SLC35F5: variants seen among roughly 807,000 people sequenced by gnomAD.
SLC35F5 encodes HCV NS5A-transactivated protein 3.
SLC35F5 carries 54 observed loss-of-function variants against 68.6 expected under a neutral mutation model. The observed-to-expected ratio is 0.79, with a 90% CI of 0.63 to 0.99. SLC35F5 has a LOEUF of 0.99. SLC35F5 is among the 50% of genes least tolerant of loss of function. The probability of loss-of-function intolerance (pLI) is 0.00; values close to 1 mark genes in which losing one functional copy is unlikely to be tolerated. For missense variants in SLC35F5, 567 were observed against 626.9 expected (o/e 0.90, Z 1.02); for synonymous variants, 211 against 205.2 (o/e 1.03, Z -0.24).
intron 3 of SLC35F5, among the ~76,000 whole-genome samples, chr2:113,751,798 G>A (rs1162841686): frequency 7.7e-5 from 11 of 141,992 alleles, no homozygotes; most frequent in African/African-American, 1.3e-4. Flanking sequence ...GGACAACAGC[G>A]TGAGACTCTG....
At chr2:113,720,511 T>C (rs983828897) in intron 13 of SLC35F5, among the ~76,000 whole-genome samples, 1 of 152,120 alleles carries the variant, frequency 6.6e-6, no homozygotes, top group African/African-American at 2.4e-5. Context: ...ATGCATGCCC[T>C]ATTTCTATGG....
intron 1 of SLC35F5, 187 bp from the exon 2 acceptor site, chr2:113,755,731 A>T: frequency 9.4e-7 from 1 of 1,061,048 alleles, no homozygotes; most frequent in Non-Finnish European, 1.4e-6. Context: ...GATTATACTT[A>T]GAGAGATACG....
intron 9 of SLC35F5, among the ~76,000 whole-genome samples, chr2:113,732,949 G>A (rs760384557): frequency 1.3e-5 from 2 of 152,154 alleles, no homozygotes; most frequent in African/African-American, 2.4e-5. Context: ...TCTCTCAATT[G>A]ATGAAATGAG....
chr2:113,742,427 TC>T, intron 7 of SLC35F5: 1 of 496,726 alleles, frequency 2.0e-6, no homozygotes, highest in Non-Finnish European at 3.5e-6. Flanking sequence ...CTGAAGAACT[TC>T]CCAACCTGTG....
At chr2:113,751,933 C>A (rs1676760893) in intron 3 of SLC35F5, among the ~76,000 whole-genome samples, 1 of 151,964 alleles carries the variant, frequency 6.6e-6, no homozygotes, top group African/African-American at 2.4e-5. Context: ...AATAAGATGT[C>A]AGGCACAGTG....
chr2:113,723,196 T>TAA lies in SLC35F5; in HGVS notation c.1251-4_1251-3dup. On this transcript the variant is annotated splice_polypyrimidine_tract_variant and splice_region_variant and intron_variant, in intron 12 of 15. Coordinates refer to ENST00000245680, the MANE Select transcript of SLC35F5 (RefSeq NM_025181.5). Reference sequence around the variant, plus strand: ...AATGATGAGGTAAGAAAGCAGCCCCTAAAAAAAAGAAAATATACATTTCTA... The same window carrying TAA: ...AATGATGAGGTAAGAAAGCAGCCCCTAAAAAAAAAAGAAAATATACATTTCTA... 2 of 1,528,618 alleles carry TAA rather than the reference T, an allele frequency of 1.3e-6. No individual in the cohort carries two copies. Among genetic ancestry groups the TAA allele is most frequent in the Admixed American group, 1.9e-5 (1 of 51,828 alleles). The allele number at this position is 1,528,618 out of a possible 1,614,324, so 94.7% of individuals were successfully genotyped here.
Position 113,755,206 on chromosome 2 carries a change from G to A in SLC35F5, c.232C>T (p.Leu78Phe), listed in dbSNP as rs1574280010. The A allele has an allele frequency of 6.2e-7, 1 of 1,614,024 alleles. No individual in the cohort carries two copies. The highest frequency in any genetic ancestry group is 8.5e-7 in the Non-Finnish European group (1 of 1,180,012). ...RMALGIVILL[L>F]VDVIWVASSE... is the part of the protein sequence containing the mutation. Reference sequence around the variant, plus strand: ...GAAGCAACCCATATCACATCAACAAGCAGAAGAATAACAATCCCAAGAGCC... The same window carrying A: ...GAAGCAACCCATATCACATCAACAAACAGAAGAATAACAATCCCAAGAGCC... The change falls in exon 3 of 16, where the codon CTT (leucine) becomes TTT (phenylalanine). Residue 78 changes from leucine to phenylalanine, a missense_variant. By Grantham distance (22) the Leu-to-Phe change is conservative (BLOSUM62 0). Coordinates refer to ENST00000245680, the MANE Select transcript of SLC35F5 (RefSeq NM_025181.5).
intron 12 of SLC35F5, among the ~76,000 whole-genome samples, chr2:113,723,585 C>T (rs1452802651): frequency 6.6e-6 from 1 of 152,118 alleles, no homozygotes; most frequent in Admixed American, 6.5e-5. Flanking sequence ...ATACTTCACA[C>T]ATAGACTTTA....
chr2:113,735,745 A>G (rs1326741074), intron 8 of SLC35F5, 32 bp downstream of exon 8: 3 of 1,419,794 alleles, frequency 2.1e-6, no homozygotes, highest in Non-Finnish European at 3.0e-6. Flanking sequence ...ACACTGATTT[A>G]TAATGCAGAT....
chr2:113,702,877 G>C (rs1001283174), downstream of SLC35F5, among the ~76,000 whole-genome samples: 2 of 152,072 alleles, frequency 1.3e-5, no homozygotes, highest in Non-Finnish European at 2.9e-5. Flanking sequence ...GGGAAGCTAA[G>C]GCAGGCAGAT....
At position 113,708,901 on chromosome 2, in the gene SLC35F5, A is replaced by G. The variant is rs909752282; in HGVS notation, c.*6317T>C. On this transcript the variant is annotated 3_prime_UTR_variant, in exon 16 of 16. Transcript: ENST00000245680. Reference sequence around the variant, plus strand: ...CCAGGGGGCAACAGAGTAGGGACTAATAAGGCCAGCAACTCAGGGAAATTA... The same window carrying G: ...CCAGGGGGCAACAGAGTAGGGACTAGTAAGGCCAGCAACTCAGGGAAATTA... 4.6e-5 allele frequency among the ~76,000 whole-genome samples: 7 copies of G among 152,338 alleles called. No individual in the cohort carries two copies. In the South Asian group the frequency reaches 1.4e-3, roughly 32 times the overall value.
intron 9 of SLC35F5, among the ~76,000 whole-genome samples, chr2:113,732,456 C>A (rs1687933636): frequency 6.6e-6 from 1 of 151,952 alleles, no homozygotes; most frequent in Admixed American, 6.6e-5. Context: ...ATTCTCTCAC[C>A]CTGATGAGAA....
intron 11 of SLC35F5, 171 bp from the exon 12 acceptor site, chr2:113,725,708 T>TAAAAA: frequency 4.3e-6 from 2 of 463,424 alleles, no homozygotes; most frequent in African/African-American, 2.1e-5. Flanking sequence ...CTCAACGCCA[T>TAAAAA]AGAAAAAAAA....
intron 11 of SLC35F5, 123 bp from the exon 12 acceptor site, chr2:113,725,660 C>G (rs1687631375): frequency 1.2e-6 from 1 of 848,192 alleles, no homozygotes; most frequent in Non-Finnish European, 1.8e-6. Context: ...TTAGCTAAAA[C>G]TTCTGTTGGT....
intron 15 of SLC35F5, among the ~76,000 whole-genome samples, chr2:113,716,750 A>AAGGGC (rs1687196984): frequency 1.3e-5 from 2 of 152,208 alleles, no homozygotes; most frequent in Non-Finnish European, 2.9e-5. Context: ...CAGGGCAGGG[A>AAGGGC]AGGGCAGGGG....
chr2:113,725,348 G>C, intron 12 of SLC35F5, 30 bp downstream of exon 12: 1 of 1,567,274 alleles, frequency 6.4e-7, no homozygotes, highest in South Asian at 1.2e-5. Context: ...TTAATCAACT[G>C]ATAATAATTG....
intron 7 of SLC35F5, among the ~76,000 whole-genome samples, chr2:113,737,504 C>A (rs1322351201): frequency 6.6e-6 from 1 of 152,192 alleles, no homozygotes; most frequent in Non-Finnish European, 1.5e-5. Flanking sequence ...GAAGATTCGA[C>A]CCTTAATCTT....
intron 13 of SLC35F5, among the ~76,000 whole-genome samples, chr2:113,721,020 C>A (rs935545661): frequency 1.3e-5 from 2 of 151,784 alleles, no homozygotes; most frequent in Non-Finnish European, 2.9e-5. Flanking sequence ...ATCTGAATAT[C>A]AAATAGAATA....
intron 9 of SLC35F5, among the ~76,000 whole-genome samples, chr2:113,732,911 AGTT>A (rs1687951683): frequency 6.6e-6 from 1 of 152,160 alleles, no homozygotes. Context: ...TTGGATTCCA[AGTT>A]GTTTGGCTTG....
Sources: allele counts gnomAD v4.1 joint callset (sites outside exome capture counted in the v4.1 genomes callset), GRCh38; gene constraint gnomAD v4.1.1; transcripts MANE v1.5; gene names NCBI Gene and HGNC (gene_info 2026-07-23, HGNC 2026-07-21).